The following LRRTM4 variants were observed in gnomAD, a reference collection of about 807,000 sequenced individuals.
LRRTM4 encodes leucine-rich repeat transmembrane neuronal protein 4.
LRRTM4 carries 25 observed loss-of-function variants against 47.6 expected under a neutral mutation model. That is an observed-to-expected ratio of 0.53 (90% CI 0.38 to 0.73). The LOEUF (loss-of-function observed/expected upper bound fraction) is 0.73. LRRTM4 is among the 30% of genes least tolerant of loss of function. The pLI is 0.00. For synonymous variants in LRRTM4, 311 were observed against 269.5 expected, an observed-to-expected ratio of 1.15 and a Z score of -1.51; for missense variants, 638 against 713.4, an observed-to-expected ratio of 0.89 and a Z score of 1.20.
chr2:76,835,379 T>C (rs1399379387), intron 3 of LRRTM4, among the ~76,000 whole-genome samples: 1 of 152,028 alleles, frequency 6.6e-6, no homozygotes, highest in Non-Finnish European at 1.5e-5. Context: ...GAAAAACAAA[T>C]ACAACTTTAG....
intron 3 of LRRTM4, among the ~76,000 whole-genome samples, chr2:77,376,962 T>G (rs1485189195): frequency 1.3e-5 from 2 of 151,926 alleles, no homozygotes; most frequent in African/African-American, 4.8e-5. Flanking sequence ...ATTTGTCTCT[T>G]TCTCCATATG....
chr2:77,093,828 C>G (rs1444348793), intron 3 of LRRTM4, among the ~76,000 whole-genome samples: 1 of 151,954 alleles, frequency 6.6e-6, no homozygotes, highest in East Asian at 1.9e-4. Context: ...AATGGCCGGT[C>G]CTTGCCTTAA....
rs568609865 is a variant in LRRTM4 at position 77,180,163 on chromosome 2, C to A, written c.1551+338155G>T. The stretch of plus-strand genomic sequence containing the variant: ...TAATGTAAAAAGAGTTTTCTGGGAA[C>A]CTTGATGGACTACTATAGTCTCTTT... On this transcript the variant is annotated intron_variant, in intron 3 of 3. Transcript: ENST00000409884. Among the ~76,000 whole-genome samples the A allele has an allele frequency of 5.3e-5, 8 of 152,058 alleles. No individual in the cohort carries two copies. In the East Asian group the frequency reaches 7.7e-4, roughly 15 times the overall value.
intron 3 of LRRTM4, among the ~76,000 whole-genome samples, chr2:77,275,211 C>G (rs956003029): frequency 2.6e-5 from 4 of 152,004 alleles, no homozygotes; most frequent in African/African-American, 9.7e-5. Flanking sequence ...CTTTTAGTAC[C>G]CACCTACACT....
chr2:76,964,077 C>G (rs1675947121), intron 3 of LRRTM4, among the ~76,000 whole-genome samples: 1 of 150,684 alleles, frequency 6.6e-6, no homozygotes. Context: ...AATAAATCTT[C>G]ATAGAAGTAG....
intron 3 of LRRTM4, among the ~76,000 whole-genome samples, chr2:77,502,992 G>T (rs1277404083): frequency 6.7e-6 from 1 of 150,338 alleles, no homozygotes; most frequent in Non-Finnish European, 1.5e-5. Context: ...AGATTGTAGA[G>T]CAAAGAGAGT....
intron 3 of LRRTM4, among the ~76,000 whole-genome samples, chr2:76,809,692 A>G (rs1242028418): frequency 6.6e-6 from 1 of 152,156 alleles, no homozygotes; most frequent in Non-Finnish European, 1.5e-5. Flanking sequence ...CACCCTGAAA[A>G]TAAAAACCAA....
intron 3 of LRRTM4, among the ~76,000 whole-genome samples, chr2:77,016,260 C>A (rs1417460133): frequency 1.3e-5 from 2 of 150,862 alleles, no homozygotes. Context: ...GTGGCAGGCG[C>A]CTGTAGTCCC....
At chr2:76,833,330 C>T (rs997775335) in intron 3 of LRRTM4, among the ~76,000 whole-genome samples, 3 of 152,018 alleles carry the variant, frequency 2.0e-5, no homozygotes, top group Admixed American at 1.3e-4. Flanking sequence ...GCCATTTGTC[C>T]TCCAACTTTG....
intron 3 of LRRTM4, among the ~76,000 whole-genome samples, chr2:77,267,548 C>T (rs950033257): frequency 9.9e-5 from 15 of 152,124 alleles, no homozygotes; most frequent in Non-Finnish European, 1.8e-4. Context: ...GACTTGAATA[C>T]CTCCCATTAG....
At chr2:77,208,163 G>A (rs1674194019) in intron 3 of LRRTM4, among the ~76,000 whole-genome samples, 1 of 152,014 alleles carries the variant, frequency 6.6e-6, no homozygotes, top group Non-Finnish European at 1.5e-5. Context: ...ACAGGCATGA[G>A]CCACCACGCA....
At chr2:77,201,497 G>A (rs1450131469) in intron 3 of LRRTM4, among the ~76,000 whole-genome samples, 2 of 152,046 alleles carry the variant, frequency 1.3e-5, no homozygotes, top group African/African-American at 4.8e-5. Context: ...TAGTTTGGTT[G>A]ACAAAACATT....
chr2:77,286,646 A>G (rs1484657241), intron 3 of LRRTM4, among the ~76,000 whole-genome samples: 2 of 151,958 alleles, frequency 1.3e-5, no homozygotes, highest in African/African-American at 4.8e-5. Flanking sequence ...TACTGTAGAA[A>G]CTACAAGGGG....
At chr2:77,235,550 T>G (rs1675082979) in intron 3 of LRRTM4, among the ~76,000 whole-genome samples, 1 of 152,176 alleles carries the variant, frequency 6.6e-6, no homozygotes, top group African/African-American at 2.4e-5. Context: ...TTTGTTTTGT[T>G]GCAATTACGT....
chr2:77,011,692 A>G (rs1164800272), intron 3 of LRRTM4, among the ~76,000 whole-genome samples: 1 of 152,020 alleles, frequency 6.6e-6, no homozygotes, highest in Admixed American at 6.6e-5. Flanking sequence ...TTTGCCATGG[A>G]TGAGGCATTC....
At chr2:76,756,405 A>G (rs1360846520) in intron 3 of LRRTM4, among the ~76,000 whole-genome samples, 1 of 152,106 alleles carries the variant, frequency 6.6e-6, no homozygotes, top group Non-Finnish European at 1.5e-5. Context: ...ACAGAGTTGC[A>G]TTCTGACTGC....
chr2:76,782,707 T>A (rs1479803482), intron 3 of LRRTM4, among the ~76,000 whole-genome samples: 1 of 152,170 alleles, frequency 6.6e-6, no homozygotes, highest in Non-Finnish European at 1.5e-5. Context: ...AGTTTGCATT[T>A]TCAAATCGTC....
intron 3 of LRRTM4, among the ~76,000 whole-genome samples, chr2:77,010,493 G>C (rs982524830): frequency 6.3e-5 from 8 of 127,364 alleles, no homozygotes; most frequent in Non-Finnish European, 1.2e-4. Flanking sequence ...GAATAGAATT[G>C]TATTGTTTAC....
intron 3 of LRRTM4, among the ~76,000 whole-genome samples, chr2:77,310,633 C>T (rs1230351749): frequency 2.0e-5 from 3 of 152,130 alleles, no homozygotes; most frequent in Non-Finnish European, 4.4e-5. Context: ...TTCATCTGTG[C>T]TCCTTCAATC....
Sources: gnomAD v4.1 joint callset for allele counts (sites outside exome capture counted in the v4.1 genomes callset) on GRCh38, gnomAD v4.1.1 for gene constraint, MANE v1.5 for transcripts, NCBI Gene and HGNC (gene_info 2026-07-23, HGNC 2026-07-21) for gene names.